Variants in RIGI observed in about 807,000 individuals in gnomAD.
The protein encoded by RIGI is RNA sensor RIG-I.
At chr9:32,525,668 C>G in the RIGI span, among the ~76,000 whole-genome samples, 1 of 152,230 alleles carries the variant, frequency 6.6e-6, no homozygotes, top group East Asian at 1.9e-4. Flanking sequence ...CTGTAATTAT[C>G]TGCCCTTTGT....
At chr9:32,465,346 G>C in the RIGI span, among the ~76,000 whole-genome samples, 1 of 152,148 alleles carries the variant, frequency 6.6e-6, no homozygotes, top group African/African-American at 2.4e-5. Context: ...TTAGATAATT[G>C]ATGGTCAATA....
chr9:32,509,471 G>A, the RIGI span, among the ~76,000 whole-genome samples: 276 of 152,272 alleles, frequency 1.8e-3, no homozygotes, highest in Middle Eastern at 6.8e-3. Context: ...GTCTGGAGTG[G>A]ACATCCAGCA....
chr9:32,488,626 G>A, the RIGI span: 4 of 1,171,890 alleles, frequency 3.4e-6, no homozygotes, highest in Non-Finnish European at 4.6e-6. Flanking sequence ...TTATAAAAAA[G>A]CTGAATCTAA....
chr9:32,509,706 A>G, the RIGI span, among the ~76,000 whole-genome samples: 6 of 152,170 alleles, frequency 3.9e-5, no homozygotes, highest in East Asian at 9.7e-4. Flanking sequence ...ACTCCTTGCC[A>G]GCAACGGAAC....
At chr9:32,488,710 A>C in the RIGI span, 2 of 1,504,336 alleles carry the variant, frequency 1.3e-6, no homozygotes, top group South Asian at 2.9e-5. Flanking sequence ...GAGAAAAAGA[A>C]GTTGAAGCAA....
At chr9:32,523,266 C>A in the RIGI span, among the ~76,000 whole-genome samples, 1 of 152,150 alleles carries the variant, frequency 6.6e-6, no homozygotes, top group Non-Finnish European at 1.5e-5. Flanking sequence ...GTTTCAGTAA[C>A]AATTGCACCC....
At chr9:32,470,282 G>C in the RIGI span, among the ~76,000 whole-genome samples, 6 of 152,198 alleles carry the variant, frequency 3.9e-5, no homozygotes, top group Non-Finnish European at 5.9e-5. Context: ...GCCAGGCATT[G>C]TTCTAAACCA....
the RIGI span, among the ~76,000 whole-genome samples, chr9:32,503,020 C>A: frequency 0.013 from 2,016 of 152,272 alleles, 22 homozygotes; most frequent in Admixed American, 0.038. Flanking sequence ...TAGGGGGACA[C>A]AATTCAACTC....
At chr9:32,511,281 A>G in the RIGI span, among the ~76,000 whole-genome samples, 1 of 152,152 alleles carries the variant, frequency 6.6e-6, no homozygotes, top group South Asian at 2.1e-4. Flanking sequence ...AATAGAATAT[A>G]CATTCTTCTC....
chr9:32,459,078 G>T, the RIGI span, among the ~76,000 whole-genome samples: 1 of 151,398 alleles, frequency 6.6e-6, no homozygotes, highest in Non-Finnish European at 1.5e-5. Context: ...TAGTAGAGAC[G>T]GGGTTTCACC....
the RIGI span, chr9:32,488,705 AAAG>A: frequency 2.0e-6 from 3 of 1,497,094 alleles, no homozygotes; most frequent in South Asian, 1.5e-5. Flanking sequence ...AGCTGGAGAA[AAAG>A]AAGTTGAAGC....
chr9:32,490,453 A>G, the RIGI span, among the ~76,000 whole-genome samples: 1 of 152,148 alleles, frequency 6.6e-6, no homozygotes, highest in Admixed American at 6.5e-5. Flanking sequence ...ATATTCATGT[A>G]TCTGTTTTTT....
chr9:32,519,910 A>G, the RIGI span, among the ~76,000 whole-genome samples: 2 of 152,184 alleles, frequency 1.3e-5, no homozygotes, highest in African/African-American at 4.8e-5. Flanking sequence ...GTGTTATGCC[A>G]GTTTGAAGAT....
the RIGI span, chr9:32,487,767 G>T: frequency 8.2e-7 from 1 of 1,216,824 alleles, no homozygotes; most frequent in South Asian, 1.5e-5. Flanking sequence ...GCACATGGAG[G>T]CACATAATGC....
the RIGI span, chr9:32,467,971 G>A: frequency 6.6e-7 from 1 of 1,508,072 alleles, no homozygotes; most frequent in Middle Eastern, 1.8e-4. Flanking sequence ...ACTCACCAAA[G>A]AGGGAACTTC....
At chr9:32,503,395 T>G in the RIGI span, among the ~76,000 whole-genome samples, 1 of 152,078 alleles carries the variant, frequency 6.6e-6, no homozygotes, top group Non-Finnish European at 1.5e-5. Context: ...CAGACAAAAC[T>G]TCATCTTTGA....
chr9:32,459,421 T>A, the RIGI span: 1 of 1,613,788 alleles, frequency 6.2e-7, no homozygotes. Flanking sequence ...TTGCACTTTC[T>A]GCAGAGCAGT....
At chr9:32,476,902 G>T in the RIGI span, 7 of 1,237,568 alleles carry the variant, frequency 5.7e-6, no homozygotes, top group Non-Finnish European at 7.9e-6. Context: ...GATTACAGGC[G>T]TGAGACACCA....
At chr9:32,524,611 T>G in the RIGI span, among the ~76,000 whole-genome samples, 2 of 131,432 alleles carry the variant, frequency 1.5e-5, no homozygotes, top group East Asian at 4.1e-4. Flanking sequence ...TTTTTTTTTT[T>G]TTTTTTTTTT....
Sources: allele counts gnomAD v4.1 joint callset (sites outside exome capture counted in the v4.1 genomes callset), GRCh38; gene constraint gnomAD v4.1.1; transcripts MANE v1.5; gene names NCBI Gene and HGNC (gene_info 2026-07-23, HGNC 2026-07-21).